Variants in TCEA2 observed in about 807,000 individuals in gnomAD.
TCEA2 encodes the protein transcription elongation factor A protein 2.
In TCEA2, 21 loss-of-function variants were observed where a neutral mutation model predicts 40.8. That is an observed-to-expected ratio of 0.51 (90% CI 0.36 to 0.74). The LOEUF is 0.74. TCEA2 is among the 30% of genes least tolerant of loss of function. TCEA2 has a pLI of 0.00. For missense variants in TCEA2, 326 were observed against 426.5 expected (o/e 0.76, Z 2.08); for synonymous variants, 165 against 162.7 (o/e 1.01, Z -0.11).
At chr20:64,072,140 C>G (rs1478932365) in intron 9 of TCEA2, 32 bp from the exon 10 acceptor site, 20 of 1,613,160 alleles carry the variant, frequency 1.2e-5, no homozygotes, top group Non-Finnish European at 1.7e-5. Flanking sequence ...CATGTGGCCA[C>G]AAGGCTGGAG....
chr20:64,066,938 C>T lies in TCEA2; in HGVS notation c.159C>T (p.Val53=). The change falls in exon 3 of 10, where the codon GTC becomes GTT. Residue 53 remains valine (V), a synonymous_variant. Coordinates refer to ENST00000343484, the MANE Select transcript of TCEA2 (RefSeq NM_003195.6). The stretch of plus-strand genomic sequence containing the variant: ...AGTCCACCCGAGTCGGGATGTCTGT[C>T]AACGCCCTTCGGAAGCAGAGCTCGG... ...LLQSTRVGMS[V]NALRKQSSDE... The T allele has an allele frequency of 6.2e-7, 1 of 1,614,026 alleles. No homozygotes were observed. The highest frequency in any genetic ancestry group is 8.5e-7 in the Non-Finnish European group (1 of 1,179,976).
upstream of TCEA2, among the ~76,000 whole-genome samples, chr20:64,061,740 C>T (rs1357863425): frequency 9.3e-5 from 14 of 149,810 alleles, no homozygotes; most frequent in Admixed American, 3.3e-4. Context: ...CTTTTTTTTT[C>T]TTTTGAGACG....
chr20:64,061,096 C>CTTTTTTTTTTT (rs71197441), upstream of TCEA2, among the ~76,000 whole-genome samples: 1 of 60,522 alleles, frequency 1.7e-5, no homozygotes, highest in Non-Finnish European at 2.9e-5. Flanking sequence ...CAGCCTGAGT[C>CTTTTTTTTTTT]TTTTTTTTTT....
intron 8 of TCEA2, among the ~76,000 whole-genome samples, chr20:64,071,633 C>T (rs569844803): frequency 6.0e-4 from 91 of 152,362 alleles, no homozygotes; most frequent in African/African-American, 2.1e-3. Flanking sequence ...AGTCTGGGCC[C>T]TCCTGGTCCC....
In TCEA2 at chr20:64,063,276, G is replaced by A. The variant is rs1219114434; in HGVS notation, c.-37G>A. The A allele has an allele frequency of 2.7e-6, 4 of 1,507,388 alleles. No individual in the cohort carries two copies. In the East Asian group the frequency reaches 8.4e-5, roughly 32 times the overall value. The allele number at this position is 1,507,388 out of a possible 1,614,324, so 93.4% of individuals were successfully genotyped here. The stretch of plus-strand genomic sequence containing the variant: ...CGGGGTCCTGCCCGGCTGCGGAGGC[G>A]GGCGCGACGGGCGCGGGGGTCGCTG... On this transcript the variant is annotated 5_prime_UTR_variant, in exon 1 of 10. Coordinates refer to ENST00000343484, the MANE Select transcript of TCEA2 (RefSeq NM_003195.6).
At chr20:64,071,612 G>A (rs954236073) in intron 8 of TCEA2, among the ~76,000 whole-genome samples, 5 of 152,208 alleles carry the variant, frequency 3.3e-5, no homozygotes, top group African/African-American at 1.2e-4. Context: ...GGACCCTCTT[G>A]CCCTCAGCCA....
rs1039430730 is a variant in TCEA2, at chr20:64,070,719, G to A, written c.819+84G>A. ...CTCCTTGGAGCCCATGCCTATTCCC[G>A]CCTCTGCTGCATGAATTTCCCGAGC... On this transcript the variant is annotated intron_variant, in intron 8 of 9. Transcript: ENST00000343484. 3.7e-5 allele frequency: 54 copies of A among 1,444,254 alleles called. No homozygotes were observed. In the African/African-American group the frequency reaches 5.2e-4, roughly 14 times the overall value. The allele number at this position is 1,444,254 out of a possible 1,614,324, so 89.5% of individuals were successfully genotyped here. A position where few individuals can be genotyped will look rare whatever the true frequency, so the allele number is the denominator to read the frequency against.
chr20:64,070,193 C>G, intron 6 of TCEA2, 67 bp from the exon 7 acceptor site: 1 of 1,589,504 alleles, frequency 6.3e-7, no homozygotes, highest in South Asian at 1.2e-5. Flanking sequence ...ACATGGCCCC[C>G]AGCGGGGCAG....
upstream of TCEA2, chr20:64,063,172 G>A (rs2059604541): frequency 1.4e-6 from 1 of 702,724 alleles, no homozygotes; most frequent in Non-Finnish European, 1.9e-6. Context: ...GCGGGGCCGA[G>A]GGTTTGAACC....
upstream of TCEA2, chr20:64,062,537 G>A (rs554327725): frequency 1.4e-4 from 21 of 151,832 alleles, no homozygotes; most frequent in African/African-American, 4.4e-4. Context: ...TCAACGTGCA[G>A]AGCCCAGAAT....
At chr20:64,067,342 A>G (rs957974017) in intron 3 of TCEA2, among the ~76,000 whole-genome samples, 13 of 152,142 alleles carry the variant, frequency 8.5e-5, no homozygotes, top group African/African-American at 3.1e-4. Flanking sequence ...GTGAGTTGGG[A>G]GGTCACACAG....
At chr20:64,068,931 A>G (rs1426725824) in intron 4 of TCEA2, among the ~76,000 whole-genome samples, 1 of 152,188 alleles carries the variant, frequency 6.6e-6, no homozygotes, top group Non-Finnish European at 1.5e-5. Flanking sequence ...CTCCCCCCAG[A>G]CAGCTGTGGG....
chr20:64,055,695 G>T (rs2059466272), upstream of TCEA2, among the ~76,000 whole-genome samples: 1 of 152,138 alleles, frequency 6.6e-6, no homozygotes, highest in Non-Finnish European at 1.5e-5. The surrounding 1 kb of genome is among the most constrained non-coding windows in gnomAD (Gnocchi z 4.0). Flanking sequence ...AGTGGAGTGT[G>T]ATCTGCCTCA....
chr20:64,063,456 G>C, intron 1 of TCEA2, 72 bp downstream of exon 1: 1 of 1,500,574 alleles, frequency 6.7e-7, no homozygotes, highest in Non-Finnish European at 9.0e-7. Flanking sequence ...GCCGACCCCC[G>C]TTAGGGCCGG....
intron 1 of TCEA2, among the ~76,000 whole-genome samples, chr20:64,064,790 A>G (rs2059648658): frequency 6.6e-6 from 1 of 152,130 alleles, no homozygotes; most frequent in Non-Finnish European, 1.5e-5. Flanking sequence ...GCGTTCACAC[A>G]CACCCCGGAA....
At position 64,063,760 on chromosome 20, in the gene TCEA2, A is replaced by G. The variant is rs556463396; in HGVS notation, c.72+376A>G. 53 of 229,376 alleles carry G rather than the reference A, an allele frequency of 2.3e-4. No individual in the cohort carries two copies. The South Asian group carries it at 2.4e-3, about 10-fold the overall frequency. 14.2% of individuals were successfully genotyped at this position (229,376 alleles called of 1,614,324 possible). A position where few individuals can be genotyped will look rare whatever the true frequency, so the allele number is the denominator to read the frequency against. Reference sequence around the variant, plus strand: ...TCCTTGGCCCTGTCCCGCCTCTCGGAGCCCCCGGGGTGTTCGGGCCTCCTC... The same window carrying G: ...TCCTTGGCCCTGTCCCGCCTCTCGGGGCCCCCGGGGTGTTCGGGCCTCCTC... On this transcript the variant is annotated intron_variant, in intron 1 of 9. Transcript: ENST00000343484.
chr20:64,072,009 T>G, intron 9 of TCEA2, 68 bp downstream of exon 9: 1 of 1,606,450 alleles, frequency 6.2e-7, no homozygotes, highest in Non-Finnish European at 8.5e-7. Flanking sequence ...TCAGCCTCTG[T>G]GGGGTCTGTG....
intron 2 of TCEA2, 67 bp from the exon 3 acceptor site, chr20:64,066,848 C>T (rs1229935294): frequency 1.3e-6 from 2 of 1,493,714 alleles, no homozygotes; most frequent in Admixed American, 1.8e-5. Flanking sequence ...CACCAAGGCT[C>T]TGCCAGGAGA....
At chr20:64,065,418 C>G (rs928083860) in intron 1 of TCEA2, 8 of 151,818 alleles carry the variant, frequency 5.3e-5, no homozygotes, top group African/African-American at 1.9e-4. Context: ...GGGAATGATA[C>G]ACACGTGGAA....
Sources: gnomAD v4.1 joint callset for allele counts (sites outside exome capture counted in the v4.1 genomes callset) on GRCh38, gnomAD v4.1.1 for gene constraint, Gnocchi (gnomAD v3.1) non-coding constraint, MANE v1.5 for transcripts, NCBI Gene and HGNC (gene_info 2026-07-23, HGNC 2026-07-21) for gene names.